Variants in SAMMSON observed in about 807,000 individuals in gnomAD.
SAMMSON encodes the protein survival associated mitochondrial melanoma specific oncogenic non-coding RNA.
At chr3:70,353,615 T>A (rs574761777) in intron 7 of SAMMSON, among the ~76,000 whole-genome samples, 1 of 152,300 alleles carries the variant, frequency 6.6e-6, no homozygotes, top group Admixed American at 6.5e-5. Context: ...CAGCCATATG[T>A]TGCTGATGAG....
At chr3:70,418,982 T>TTTC (rs1701288989) in intron 2 of SAMMSON, among the ~76,000 whole-genome samples, 23 of 60,304 alleles carry the variant, frequency 3.8e-4, no homozygotes, top group African/African-American at 7.3e-4. Context: ...TCCTTCCTTC[T>TTTC]CTCTCTCTCT....
chr3:70,070,165 T>A (rs940852109), intron 3 of SAMMSON: 1 of 152,052 alleles, frequency 6.6e-6, no homozygotes, highest in African/African-American at 2.4e-5. Context: ...AATTGTAGGC[T>A]CATAAGAGGT....
intron 6 of SAMMSON, among the ~76,000 whole-genome samples, chr3:70,289,186 A>C (rs1445138046): frequency 2.0e-5 from 3 of 149,978 alleles, no homozygotes; most frequent in African/African-American, 7.3e-5. Context: ...ATGATTTTGC[A>C]GCGGCTGGTA....
At chr3:70,376,780 A>G (rs1311453142) in intron 9 of SAMMSON, among the ~76,000 whole-genome samples, 3 of 152,202 alleles carry the variant, frequency 2.0e-5, no homozygotes, top group African/African-American at 7.2e-5. Flanking sequence ...TTTAGCACCC[A>G]GAAATGTCAT....
At chr3:70,352,599 G>A (rs1702801746) in intron 7 of SAMMSON, among the ~76,000 whole-genome samples, 1 of 152,018 alleles carries the variant, frequency 6.6e-6, no homozygotes, top group South Asian at 2.1e-4. Flanking sequence ...AACAGTATGG[G>A]TAAATCCAAT....
At position 70,041,848 on chromosome 3, in the gene SAMMSON, T is replaced by C. The variant is rs552938516; in HGVS notation, n.417+28176T>C. On this transcript the variant is annotated intron_variant and non_coding_transcript_variant, in intron 3 of 9. Coordinates refer to ENST00000642114, the Ensembl canonical transcript of SAMMSON. ...ATAGATACAGAGGGATGCCTGTACT[T>C]ATAATAGGAAGCTAATATAGCAATC... Among the ~76,000 whole-genome samples, 3 of 152,204 alleles carry C rather than the reference T, an allele frequency of 2.0e-5. No individual in the cohort carries two copies. The South Asian group carries it at 6.2e-4, about 32-fold the overall frequency.
intron 4 of SAMMSON, among the ~76,000 whole-genome samples, chr3:70,101,506 A>C (rs1268978823): frequency 1.3e-5 from 2 of 152,140 alleles, no homozygotes; most frequent in Non-Finnish European, 1.5e-5. Context: ...GGCCATCCCA[A>C]GTGCATTAAT....
At chr3:70,407,514 T>C (rs755277164) in intron 2 of SAMMSON, among the ~76,000 whole-genome samples, 1 of 152,142 alleles carries the variant, frequency 6.6e-6, no homozygotes, top group East Asian at 1.9e-4. Context: ...ATAGGGCCCA[T>C]ACAAGTCCAA....
At chr3:70,173,851 A>G (rs142333153) in intron 4 of SAMMSON, among the ~76,000 whole-genome samples, 1 of 151,934 alleles carries the variant, frequency 6.6e-6, no homozygotes, top group Non-Finnish European at 1.5e-5. Context: ...ACTTTTCATT[A>G]TAAGAAACAA....
intron 7 of SAMMSON, among the ~76,000 whole-genome samples, chr3:70,350,561 T>G (rs1702786972): frequency 6.6e-6 from 1 of 152,116 alleles, no homozygotes; most frequent in Non-Finnish European, 1.5e-5. Flanking sequence ...TTTTCATTAC[T>G]TCTTCACCCA....
intron 8 of SAMMSON, among the ~76,000 whole-genome samples, chr3:70,354,491 A>G (rs1016208528): frequency 1.3e-5 from 2 of 152,224 alleles, no homozygotes; most frequent in African/African-American, 4.8e-5. Context: ...AGCAATAAGT[A>G]ACAGAATCAA....
intron 4 of SAMMSON, among the ~76,000 whole-genome samples, chr3:70,091,023 G>A (rs1466042967): frequency 6.6e-6 from 1 of 152,132 alleles, no homozygotes; most frequent in Non-Finnish European, 1.5e-5. Context: ...ACTTATGTTA[G>A]CCTCTGAGAA....
At chr3:70,398,892 A>G (rs1356689918) in intron 2 of SAMMSON, among the ~76,000 whole-genome samples, 1 of 152,222 alleles carries the variant, frequency 6.6e-6, no homozygotes, top group African/African-American at 2.4e-5. Context: ...GTGGTTTTAT[A>G]TTGCTAGAAC....
chr3:70,073,118 G>A (rs2067236159), intron 4 of SAMMSON, among the ~76,000 whole-genome samples: 1 of 151,976 alleles, frequency 6.6e-6, no homozygotes, highest in Non-Finnish European at 1.5e-5. Flanking sequence ...TCAGAGATGG[G>A]TAAATAAGGA....
chr3:70,416,031 G>A (rs1426908746), intron 2 of SAMMSON, among the ~76,000 whole-genome samples: 1 of 152,104 alleles, frequency 6.6e-6, no homozygotes, highest in East Asian at 1.9e-4. Context: ...AGAAACCTAA[G>A]CAAATTAAAA....
chr3:70,229,670 C>T (rs1376462007), intron 4 of SAMMSON, among the ~76,000 whole-genome samples: 1 of 152,126 alleles, frequency 6.6e-6, no homozygotes, highest in Non-Finnish European at 1.5e-5. Context: ...ATATGGTAGA[C>T]AACTCTGATG....
At chr3:70,097,399 G>A (rs757956565) in intron 4 of SAMMSON, among the ~76,000 whole-genome samples, 29 of 152,310 alleles carry the variant, frequency 1.9e-4, no homozygotes, top group Non-Finnish European at 4.0e-4. Flanking sequence ...TGGATGAACC[G>A]GTATAAACCA....
intron 3 of SAMMSON, among the ~76,000 whole-genome samples, chr3:70,021,632 A>G (rs1042613908): frequency 6.6e-6 from 1 of 152,180 alleles, no homozygotes; most frequent in South Asian, 2.1e-4. Flanking sequence ...AATCATTTTC[A>G]GTGGAACGGC....
chr3:70,411,340 G>A (rs1701216672), intron 2 of SAMMSON, among the ~76,000 whole-genome samples: 1 of 152,056 alleles, frequency 6.6e-6, no homozygotes. Flanking sequence ...CTTGATTTGT[G>A]GACAGAAATT....
Sources: allele counts gnomAD v4.1 joint callset (sites outside exome capture counted in the v4.1 genomes callset), GRCh38; gene constraint gnomAD v4.1.1; transcripts MANE v1.5; gene names NCBI Gene and HGNC (gene_info 2026-07-23, HGNC 2026-07-21).